KCND2: variants seen among roughly 807,000 people sequenced by gnomAD.
KCND2 encodes the protein A-type voltage-gated potassium channel KCND2.
A neutral mutation model predicts 54.4 loss-of-function variants in KCND2; 16 were observed. That is an observed-to-expected ratio of 0.29 (90% confidence interval 0.20 to 0.45). The LOEUF (loss-of-function observed/expected upper bound fraction) is 0.45. Ranked by LOEUF, KCND2 falls within the 20% of genes least tolerant of loss-of-function variation. The pLI is 1.00. For missense variants in KCND2, 486 were observed against 824.2 expected (o/e 0.59, Z 5.02); for synonymous variants, 317 against 310.7 (o/e 1.02, Z -0.21).
chr7:120,629,499 A>G (rs1793205735), intron 1 of KCND2, among the ~76,000 whole-genome samples: 3 of 151,376 alleles, frequency 2.0e-5, no homozygotes, highest in South Asian at 2.1e-4. Context: ...GGTGGGGTGG[A>G]AAAAAAAAGA....
At chr7:120,536,542 T>C (rs1791909495) in intron 1 of KCND2, among the ~76,000 whole-genome samples, 1 of 152,210 alleles carries the variant, frequency 6.6e-6, no homozygotes, top group African/African-American at 2.4e-5. Flanking sequence ...ATACCCTGCA[T>C]TGCTTTATCA....
At chr7:120,642,271 C>G (rs1053608216) in intron 1 of KCND2, among the ~76,000 whole-genome samples, 1 of 151,738 alleles carries the variant, frequency 6.6e-6, no homozygotes, top group Non-Finnish European at 1.5e-5. Flanking sequence ...GTTTTATGGC[C>G]GGGCCCGGTG....
intron 5 of KCND2, chr7:120,746,950 A>G (rs1486238515): frequency 6.6e-6 from 1 of 152,130 alleles, no homozygotes; most frequent in African/African-American, 2.4e-5. Flanking sequence ...TATCTTCAAG[A>G]TATTTTAGCT....
chr7:120,500,166 A>C (rs1011366943), intron 1 of KCND2, among the ~76,000 whole-genome samples: 35 of 152,154 alleles, frequency 2.3e-4, no homozygotes, highest in African/African-American at 8.2e-4. Flanking sequence ...AATTCTCTCT[A>C]ATATGAATTT....
intron 1 of KCND2, among the ~76,000 whole-genome samples, chr7:120,435,146 G>T (rs1345991381): frequency 6.6e-6 from 1 of 150,618 alleles, no homozygotes; most frequent in Non-Finnish European, 1.5e-5. Flanking sequence ...CTGCCACCCA[G>T]GCTTGAGTGG....
At chr7:120,545,678 C>A (rs1792033921) in intron 1 of KCND2, among the ~76,000 whole-genome samples, 1 of 151,668 alleles carries the variant, frequency 6.6e-6, no homozygotes, top group South Asian at 2.1e-4. Context: ...GATAGCAGGT[C>A]AGCCAGCAGA....
intron 1 of KCND2, among the ~76,000 whole-genome samples, chr7:120,587,851 T>G (rs1792619577): frequency 6.6e-6 from 1 of 152,162 alleles, no homozygotes; most frequent in African/African-American, 2.4e-5. Flanking sequence ...AAAAAAATAA[T>G]ATAATAGCGT....
intron 1 of KCND2, among the ~76,000 whole-genome samples, chr7:120,455,958 T>C (rs1802193659): frequency 6.6e-6 from 1 of 152,152 alleles, no homozygotes; most frequent in South Asian, 2.1e-4. Flanking sequence ...CCCTTAAACC[T>C]AAGCAAAAGT....
chr7:120,667,889 G>A (rs1791947693), intron 1 of KCND2, among the ~76,000 whole-genome samples: 1 of 151,908 alleles, frequency 6.6e-6, no homozygotes, highest in Admixed American at 6.6e-5. Flanking sequence ...TTCTTCTCAG[G>A]TGTGAGAAGG....
chr7:120,560,496 C>A (rs1240805506), intron 1 of KCND2, among the ~76,000 whole-genome samples: 3 of 152,156 alleles, frequency 2.0e-5, no homozygotes, highest in Admixed American at 2.0e-4. Flanking sequence ...TTCTATGGAG[C>A]CCTTCTTGGG....
chr7:120,747,366 A>T (rs1793019939), intron 5 of KCND2, among the ~76,000 whole-genome samples: 1 of 152,108 alleles, frequency 6.6e-6, no homozygotes, highest in African/African-American at 2.4e-5. Flanking sequence ...TGTCTTAAAT[A>T]AAACTTCTTT....
chr7:120,585,621 A>T (rs1792588215), intron 1 of KCND2, among the ~76,000 whole-genome samples: 3 of 152,128 alleles, frequency 2.0e-5, no homozygotes, highest in Admixed American at 6.6e-5. Context: ...GGGAGAAAAG[A>T]GAGTAGGAAA....
At chr7:120,460,714 T>C (rs1334259324) in intron 1 of KCND2, among the ~76,000 whole-genome samples, 2 of 152,148 alleles carry the variant, frequency 1.3e-5, no homozygotes, top group African/African-American at 4.8e-5. Flanking sequence ...ATACTGATGC[T>C]CATTTTATTC....
At chr7:120,406,001 T>C (rs10488291) in intron 1 of KCND2, among the ~76,000 whole-genome samples, 48,985 of 151,812 alleles carry the variant, frequency 0.32, 10,923 homozygotes, top group African/African-American at 0.62. Flanking sequence ...TTCTCAGTTA[T>C]GTGTTTTCAG....
At chr7:120,603,373 ACCTACATGTGCT>A (rs1792838667) in intron 1 of KCND2, among the ~76,000 whole-genome samples, 1 of 152,158 alleles carries the variant, frequency 6.6e-6, no homozygotes, top group Non-Finnish European at 1.5e-5. Context: ...AGTGGGCTGC[ACCTACATGTGCT>A]GGAGCCCCAG....
chr7:120,481,081 A>G (rs756038408), intron 1 of KCND2, among the ~76,000 whole-genome samples: 1 of 152,226 alleles, frequency 6.6e-6, no homozygotes, highest in Non-Finnish European at 1.5e-5. Flanking sequence ...AGAACGCCAT[A>G]CCAATGCTGG....
intron 1 of KCND2, among the ~76,000 whole-genome samples, chr7:120,477,809 A>T (rs936636170): frequency 6.6e-6 from 1 of 152,186 alleles, no homozygotes; most frequent in African/African-American, 2.4e-5. Flanking sequence ...TCAGCAACAC[A>T]TGTTGGATAT....
At chr7:120,464,130 C>T (rs1802331680) in intron 1 of KCND2, 2 of 910,298 alleles carry the variant, frequency 2.2e-6, no homozygotes, top group Non-Finnish European at 2.6e-6. Context: ...ATCATTTAGA[C>T]TATACTGCTA....
intron 1 of KCND2, among the ~76,000 whole-genome samples, chr7:120,581,691 C>G (rs1012344174): frequency 2.0e-5 from 3 of 149,016 alleles, no homozygotes; most frequent in East Asian, 3.9e-4. Context: ...AGCTAATTGC[C>G]TGGAATCTAA....
Sources: gnomAD v4.1 joint callset for allele counts (sites outside exome capture counted in the v4.1 genomes callset) on GRCh38, gnomAD v4.1.1 for gene constraint, MANE v1.5 for transcripts, NCBI Gene and HGNC (gene_info 2026-07-23, HGNC 2026-07-21) for gene names.